ASTN2: variants seen among roughly 807,000 people sequenced by gnomAD.
ASTN2 encodes astrotactin-2.
A neutral mutation model predicts 139.8 loss-of-function variants in ASTN2; 54 were observed. The observed-to-expected ratio is 0.39, with a 90% CI of 0.31 to 0.48. ASTN2 has a LOEUF of 0.48. Ranked by LOEUF, ASTN2 falls within the 20% of genes least tolerant of loss-of-function variation. ASTN2 has a pLI of 0.95. For missense variants in ASTN2, 1,565 were observed against 1,725.1 expected, an observed-to-expected ratio of 0.91 and a Z score of 1.64; for synonymous variants, 756 against 719.5, an observed-to-expected ratio of 1.05 and a Z score of -0.81.
At chr9:116,541,135 A>T (rs889097690) in intron 19 of ASTN2, among the ~76,000 whole-genome samples, 19 of 152,294 alleles carry the variant, frequency 1.2e-4, no homozygotes, top group Non-Finnish European at 8.8e-5. Context: ...ATGTTTCTGC[A>T]TTCCCATTCT....
chr9:116,804,237 G>C (rs1301337767), intron 13 of ASTN2, among the ~76,000 whole-genome samples: 1 of 152,022 alleles, frequency 6.6e-6, no homozygotes, highest in African/African-American at 2.4e-5. Flanking sequence ...CAAGAGCAAG[G>C]TTTTAGAGTC....
At chr9:116,717,059 T>C (rs1314569559) in intron 16 of ASTN2, among the ~76,000 whole-genome samples, 1 of 152,244 alleles carries the variant, frequency 6.6e-6, no homozygotes, top group Non-Finnish European at 1.5e-5. Flanking sequence ...GTGTGAATCC[T>C]GACAAGTCAC....
chr9:117,211,841 T>A (rs1832141775), intron 3 of ASTN2, among the ~76,000 whole-genome samples: 1 of 151,916 alleles, frequency 6.6e-6, no homozygotes, highest in Non-Finnish European at 1.5e-5. Flanking sequence ...TAGAAATCAA[T>A]GTAACCAAAG....
chr9:117,054,514 C>G (rs871126), intron 5 of ASTN2, among the ~76,000 whole-genome samples: 70,880 of 152,062 alleles, frequency 0.47, 17,192 homozygotes, highest in East Asian at 0.72. Context: ...ACAGAGGTAG[C>G]AGAGATCAGT....
At chr9:117,300,346 G>A (rs1297072291) in intron 1 of ASTN2, among the ~76,000 whole-genome samples, 1 of 152,146 alleles carries the variant, frequency 6.6e-6, no homozygotes, top group East Asian at 1.9e-4. Flanking sequence ...AGTAGAAGGC[G>A]ATGCCTGTCT....
At chr9:116,713,145 C>T (rs558421051) in intron 16 of ASTN2, among the ~76,000 whole-genome samples, 5 of 152,244 alleles carry the variant, frequency 3.3e-5, no homozygotes, top group Middle Eastern at 3.4e-3. Flanking sequence ...TATTTTTCTT[C>T]TCCATGGCAC....
At chr9:116,550,025 C>G (rs755198417) in intron 19 of ASTN2, among the ~76,000 whole-genome samples, 2 of 152,224 alleles carry the variant, frequency 1.3e-5, no homozygotes, top group Non-Finnish European at 2.9e-5. Context: ...ACACAAAAAT[C>G]CCACATGAAA....
intron 2 of ASTN2, among the ~76,000 whole-genome samples, chr9:117,217,077 C>T (rs1329796134): frequency 6.6e-6 from 1 of 152,016 alleles, no homozygotes; most frequent in Admixed American, 6.5e-5. Context: ...CATTTCACAG[C>T]CCTTGGTTAC....
intron 2 of ASTN2, among the ~76,000 whole-genome samples, chr9:117,227,012 T>C (rs966520840): frequency 6.6e-6 from 1 of 152,122 alleles, no homozygotes; most frequent in Non-Finnish European, 1.5e-5. Flanking sequence ...TCAACACTAA[T>C]ACATGAAAAA....
chr9:117,181,000 C>T lies in ASTN2; in HGVS notation c.1015+33358G>A, dbSNP rs377756052. The T allele has an allele frequency of 6.1e-5, 97 of 1,595,882 alleles. 2 individuals carry two copies. Among genetic ancestry groups the T allele is most frequent in the South Asian group, 4.7e-4 (43 of 90,940 alleles). ...GCCCTGGGGCTTTCCAAAGGCACCT[C>T]GCATGCCTGTTTGGAGCCTGCACTG... is the stretch of plus-strand genomic sequence containing the variant. On this transcript the variant is annotated intron_variant, in intron 3 of 22. Coordinates refer to ENST00000313400, the MANE Select transcript of ASTN2 (RefSeq NM_001365068.1).
At chr9:117,406,857 AACACACACACACACACACAC>A (rs59125408) in intron 1 of ASTN2, among the ~76,000 whole-genome samples, 40 of 144,342 alleles carry the variant, frequency 2.8e-4, no homozygotes, top group African/African-American at 8.6e-4. Flanking sequence ...ATTGTCCCCT[AACACACACACACACACACAC>A]ACACACACAC....
chr9:117,047,442 T>C (rs1430859798), intron 5 of ASTN2, among the ~76,000 whole-genome samples: 1 of 152,186 alleles, frequency 6.6e-6, no homozygotes, highest in Non-Finnish European at 1.5e-5. Flanking sequence ...TTAAATGATA[T>C]GTTATTTCCC....
At chr9:116,921,178 A>G (rs543830625) in intron 10 of ASTN2, among the ~76,000 whole-genome samples, 1 of 152,278 alleles carries the variant, frequency 6.6e-6, no homozygotes, top group Admixed American at 6.5e-5. Context: ...AAGATCTCAC[A>G]AGAATTCACT....
intron 10 of ASTN2, among the ~76,000 whole-genome samples, chr9:116,909,214 C>T (rs112540636): frequency 0.011 from 1,653 of 152,102 alleles, 23 homozygotes; most frequent in African/African-American, 0.038. Context: ...GGGTCAGAGG[C>T]GTGTGTTAGA....
chr9:116,558,724 T>C (rs1484515860), intron 19 of ASTN2, among the ~76,000 whole-genome samples: 31 of 152,180 alleles, frequency 2.0e-4, no homozygotes. Context: ...CTTTAGTACC[T>C]ACCAGACACA....
In ASTN2 at chr9:116,424,661, T is replaced by C. The variant is rs538191638; in HGVS notation, c.*1190A>G. 1.3e-5 allele frequency among the ~76,000 whole-genome samples: 2 copies of C among 151,284 alleles called. No individual in the cohort carries two copies. The highest frequency in any genetic ancestry group is 4.2e-4 in the South Asian group (2 of 4,770). ...GGCTCCATGTCAGTTCACTGCAAAC[T>C]CTGCCTCCCAGGTTCAAGCAATTCT... On this transcript the variant is annotated 3_prime_UTR_variant, in exon 23 of 23. Transcript: ENST00000313400.
chr9:117,260,163 T>C (rs914751924), intron 2 of ASTN2, among the ~76,000 whole-genome samples: 4 of 152,034 alleles, frequency 2.6e-5, no homozygotes, highest in Non-Finnish European at 4.4e-5. Context: ...TGACACAACA[T>C]CAAAGCTAGC....
At chr9:116,815,430 C>T (rs1831283830) in intron 12 of ASTN2, among the ~76,000 whole-genome samples, 1 of 152,114 alleles carries the variant, frequency 6.6e-6, no homozygotes, top group Admixed American at 6.6e-5. Flanking sequence ...CCCAATTTTA[C>T]CTCCTAACTG....
chr9:116,875,164 G>T (rs1281918970), intron 10 of ASTN2, among the ~76,000 whole-genome samples: 1 of 152,112 alleles, frequency 6.6e-6, no homozygotes, highest in Non-Finnish European at 1.5e-5. Context: ...CTGATGAAAA[G>T]CTGGGCCTCT....
Sources: allele counts gnomAD v4.1 joint callset (sites outside exome capture counted in the v4.1 genomes callset), GRCh38; gene constraint gnomAD v4.1.1; transcripts MANE v1.5; gene names NCBI Gene and HGNC (gene_info 2026-07-23, HGNC 2026-07-21).